Variants in SLC6A17 observed in about 807,000 individuals in gnomAD.
The protein encoded by SLC6A17 is solute carrier family 6 member 17, also known as sodium-dependent neutral amino acid transporter SLC6A17.
Under a neutral mutation model 64.5 loss-of-function variants are expected in SLC6A17, and 21 were observed. That is an observed-to-expected ratio of 0.33 (90% CI 0.23 to 0.47). The LOEUF (loss-of-function observed/expected upper bound fraction) is 0.47. SLC6A17 is among the 20% of genes least tolerant of loss of function. The pLI, the probability that SLC6A17 is intolerant of heterozygous loss-of-function variation, is 1.00. For missense variants in SLC6A17, 682 were observed against 963.2 expected, an observed-to-expected ratio of 0.71 and a Z score of 3.86; for synonymous variants, 372 against 399.5, an observed-to-expected ratio of 0.93 and a Z score of 0.82.
At chr1:110,158,428 G>A (rs1440717914) in intron 1 of SLC6A17, among the ~76,000 whole-genome samples, 4 of 152,204 alleles carry the variant, frequency 2.6e-5, no homozygotes, top group African/African-American at 4.8e-5. Context: ...GCTCCAGGGC[G>A]TTGTGGGATG....
chr1:110,161,562 G>A (rs1314248881), intron 1 of SLC6A17, among the ~76,000 whole-genome samples: 1 of 152,150 alleles, frequency 6.6e-6, no homozygotes, highest in East Asian at 1.9e-4. Context: ...GGTGTCTGTG[G>A]TCGTTGTAAT....
At chr1:110,168,954 C>T (rs1037588441) in intron 2 of SLC6A17, among the ~76,000 whole-genome samples, 3 of 152,230 alleles carry the variant, frequency 2.0e-5, no homozygotes, top group African/African-American at 7.2e-5. Flanking sequence ...TTCCTGCCTT[C>T]CTTTTTCTAT....
rs1657118634 is a variant in SLC6A17 at position 110,201,172 on chromosome 1, C to T, written c.*2728C>T. 1 of 152,224 alleles carries T rather than the reference C, an allele frequency of 6.6e-6. No homozygotes were observed. Among genetic ancestry groups the T allele is most frequent in the Non-Finnish European group, 1.5e-5 (1 of 68,042 alleles). 9.4% of individuals were successfully genotyped at this position (152,224 alleles called of 1,614,324 possible). ...GATGGCGAGACCCCAAGAGGGATCT[C>T]ATAGCACTGCTGCATTTGCCGTTGA... On this transcript the variant is annotated 3_prime_UTR_variant, in exon 12 of 12. Transcript: ENST00000331565.
intron 3 of SLC6A17, chr1:110,172,563 C>T: frequency 5.2e-6 from 1 of 193,162 alleles, no homozygotes. Flanking sequence ...TTATCAGTCC[C>T]TCAGCTCCCC....
At chr1:110,153,470 G>T (rs1355639340) in intron 1 of SLC6A17, among the ~76,000 whole-genome samples, 1 of 151,570 alleles carries the variant, frequency 6.6e-6, no homozygotes, top group Non-Finnish European at 1.5e-5. Flanking sequence ...CCCCAGTGCA[G>T]CAAGAAAGAA....
At chr1:110,173,041 A>G (rs1463010590) in intron 3 of SLC6A17, among the ~76,000 whole-genome samples, 1 of 152,242 alleles carries the variant, frequency 6.6e-6, no homozygotes, top group Non-Finnish European at 1.5e-5. Flanking sequence ...CCCTGCTCTC[A>G]CGTCAGCCAT....
In SLC6A17 at chr1:110,199,768, C is replaced by T. The variant is rs948436318; in HGVS notation, c.*1324C>T. On this transcript the variant is annotated 3_prime_UTR_variant, in exon 12 of 12. Coordinates refer to ENST00000331565, the MANE Select transcript of SLC6A17 (RefSeq NM_001010898.4). ...CCACCTGCCATTACCTTCAGGGCCT[C>T]CTCTGGAAGAGAACCCATTCTCAGA... 6 of 394,130 alleles carry T rather than the reference C, an allele frequency of 1.5e-5. 1 individual carries two copies. In the South Asian group the frequency reaches 5.7e-4, roughly 38 times the overall value. 24.4% of individuals were successfully genotyped at this position (394,130 alleles called of 1,614,324 possible). A position where few individuals can be genotyped will look rare whatever the true frequency, so the allele number is the denominator to read the frequency against.
chr1:110,193,120 G>C (rs1656874727), intron 8 of SLC6A17, among the ~76,000 whole-genome samples: 1 of 152,212 alleles, frequency 6.6e-6, no homozygotes, highest in East Asian at 1.9e-4. Flanking sequence ...TATGAGTTGA[G>C]TATTCATATT....
intron 1 of SLC6A17, among the ~76,000 whole-genome samples, chr1:110,165,220 G>C (rs769160235): frequency 7.2e-5 from 11 of 152,136 alleles, no homozygotes; most frequent in Non-Finnish European, 1.3e-4. Context: ...GTAACTCCTA[G>C]GGCCGTACTT....
At chr1:110,187,738 AGAG>A (rs1656723425) in intron 6 of SLC6A17, among the ~76,000 whole-genome samples, 1 of 152,246 alleles carries the variant, frequency 6.6e-6, no homozygotes, top group South Asian at 2.1e-4. Flanking sequence ...TGCGAATACC[AGAG>A]GAGGCCAGCC....
chr1:110,163,019 A>T lies in SLC6A17; in HGVS notation c.-87-3824A>T, dbSNP rs1449944331. The stretch of plus-strand genomic sequence containing the variant: ...AGCAGGATCACCAACCCATGTTGGT[A>T]AAAAAAAAAAAAAAAAAAAAAAATG... On this transcript the variant is annotated intron_variant, in intron 1 of 11. Transcript: ENST00000331565. Among the ~76,000 whole-genome samples the T allele has an allele frequency of 1.3e-4, 5 of 38,438 alleles. No individual in the cohort carries two copies. The South Asian group carries it at 1.7e-3, about 13-fold the overall frequency. The allele number at this position is 38,438 out of a possible 152,430, so 25.2% of individuals were successfully genotyped here.
At chr1:110,174,382 G>A (rs1656317522) in intron 4 of SLC6A17, among the ~76,000 whole-genome samples, 1 of 152,194 alleles carries the variant, frequency 6.6e-6, no homozygotes, top group Non-Finnish European at 1.5e-5. Flanking sequence ...AGGAGACTGA[G>A]GCCCAGAAGC....
Position 110,172,057 on chromosome 1 carries a change from C to A in SLC6A17, c.287-3C>A. The A allele has an allele frequency of 6.2e-7, 1 of 1,613,944 alleles. No homozygotes were observed. Among genetic ancestry groups the A allele is most frequent in the Non-Finnish European group, 8.5e-7 (1 of 1,179,906 alleles). On this transcript the variant is annotated splice_region_variant and splice_polypyrimidine_tract_variant and intron_variant, in intron 2 of 11. Transcript: ENST00000331565. ...CTCTGCCATCCCTCTGCTCTCCCCACAGGTGCTTACCTGGTGCCCTACCTG... is the reference window on the plus strand; with the variant it reads ...CTCTGCCATCCCTCTGCTCTCCCCAAAGGTGCTTACCTGGTGCCCTACCTG...
At chr1:110,194,921 C>G (rs1656921763) in intron 9 of SLC6A17, 150 bp downstream of exon 9, 1 of 931,272 alleles carries the variant, frequency 1.1e-6, no homozygotes, top group South Asian at 1.5e-5. Flanking sequence ...CTGTGCCACT[C>G]AGTGATTAGC....
At chr1:110,170,948 G>A (rs1656208302) in intron 2 of SLC6A17, among the ~76,000 whole-genome samples, 1 of 152,186 alleles carries the variant, frequency 6.6e-6, no homozygotes. Context: ...TGGTGTCTGT[G>A]CCTACTGTTA....
At chr1:110,173,491 G>T (rs1177873363) in intron 3 of SLC6A17, among the ~76,000 whole-genome samples, 4 of 152,190 alleles carry the variant, frequency 2.6e-5, no homozygotes, top group Non-Finnish European at 5.9e-5. Context: ...CTTTCTAGAG[G>T]CAGGCTGCTA....
At chr1:110,174,246 C>A in intron 4 of SLC6A17, 147 bp downstream of exon 4, 1 of 1,179,586 alleles carries the variant, frequency 8.5e-7, no homozygotes, top group Non-Finnish European at 1.2e-6. Context: ...TCCCCTTCCC[C>A]AGTGGGAATG....
chr1:110,190,039 C>T (rs190358908), intron 6 of SLC6A17, among the ~76,000 whole-genome samples: 131 of 152,360 alleles, frequency 8.6e-4, no homozygotes, highest in Admixed American at 8.6e-3. Context: ...TTCTATTCCC[C>T]ATGGCCTCTG....
intron 5 of SLC6A17, 99 bp downstream of exon 5, chr1:110,175,059 T>G (rs1332330370): frequency 2.1e-6 from 3 of 1,431,846 alleles, no homozygotes; most frequent in African/African-American, 2.9e-5. Flanking sequence ...TGCAGGGTCT[T>G]CTGGGTGGAT....
Sources: gnomAD v4.1 joint callset for allele counts (sites outside exome capture counted in the v4.1 genomes callset) on GRCh38, gnomAD v4.1.1 for gene constraint, MANE v1.5 for transcripts, NCBI Gene and HGNC (gene_info 2026-07-23, HGNC 2026-07-21) for gene names.